Variants in RNF141 observed in about 807,000 individuals in gnomAD.
The protein encoded by RNF141 is ring finger protein 141, also known as C3HC4-like zinc finger protein.
Under a neutral mutation model 27.4 loss-of-function variants are expected in RNF141, and 18 were observed. The observed-to-expected ratio is 0.66, with a 90% CI of 0.45 to 0.97. RNF141 has a LOEUF of 0.97. RNF141 is among the 50% of genes least tolerant of loss of function. The pLI is 0.00. For missense variants in RNF141, 230 were observed against 279.4 expected (o/e 0.82, Z 1.26); for synonymous variants, 97 against 96.6 (o/e 1.00, Z -0.02).
intron 5 of RNF141, chr11:10,516,415 C>G (rs1290485889): frequency 1.3e-5 from 2 of 152,164 alleles, no homozygotes; most frequent in Non-Finnish European, 2.9e-5. Flanking sequence ...CTTACAGCCT[C>G]GAGAGTTTCT....
chr11:10,520,121 C>T (rs1414634631), intron 4 of RNF141, among the ~76,000 whole-genome samples: 1 of 152,130 alleles, frequency 6.6e-6, no homozygotes, highest in East Asian at 1.9e-4. Flanking sequence ...AGCACTTGTA[C>T]AGTAGTGTAC....
At chr11:10,538,817 T>A (rs1464018353) in intron 1 of RNF141, among the ~76,000 whole-genome samples, 1 of 152,184 alleles carries the variant, frequency 6.6e-6, no homozygotes, top group Non-Finnish European at 1.5e-5. Context: ...ATTAAATTAA[T>A]GCTTATGTAA....
At chr11:10,523,907 G>C (rs929631366) in intron 4 of RNF141, among the ~76,000 whole-genome samples, 1 of 152,160 alleles carries the variant, frequency 6.6e-6, no homozygotes, top group African/African-American at 2.4e-5. Context: ...CAGAATACAG[G>C]AAAGACAAGC....
intron 1 of RNF141, among the ~76,000 whole-genome samples, chr11:10,538,659 T>A (rs915785925): frequency 6.6e-6 from 1 of 152,240 alleles, no homozygotes; most frequent in African/African-American, 2.4e-5. Flanking sequence ...ATGCAGTAAA[T>A]ACCATTGGCA....
chr11:10,523,322 C>G (rs1371219313), intron 4 of RNF141, among the ~76,000 whole-genome samples: 2 of 152,196 alleles, frequency 1.3e-5, no homozygotes, highest in African/African-American at 2.4e-5. Flanking sequence ...GCCAGACAGG[C>G]CTGAATGTGA....
chr11:10,525,060 C>A (rs938544839), intron 4 of RNF141, 132 bp downstream of exon 4: 2 of 614,580 alleles, frequency 3.3e-6, no homozygotes, highest in Non-Finnish European at 5.1e-6. Context: ...CAAAACTGAT[C>A]TCAGATACAA....
chr11:10,538,063 AGAGT>A (rs1227076111), intron 1 of RNF141, among the ~76,000 whole-genome samples: 1 of 152,254 alleles, frequency 6.6e-6, no homozygotes, highest in East Asian at 1.9e-4. Context: ...TTTCAAAAGA[AGAGT>A]TAGTTGCTTA....
intron 4 of RNF141, among the ~76,000 whole-genome samples, chr11:10,521,723 A>C (rs758189193): frequency 1.3e-5 from 2 of 152,378 alleles, no homozygotes; most frequent in Admixed American, 1.3e-4. Flanking sequence ...ATAGGATTTT[A>C]ATAGAAGACA....
intron 5 of RNF141, 45 bp from the exon 6 acceptor site, chr11:10,515,111 A>T (rs2133963988): frequency 1.9e-6 from 3 of 1,565,526 alleles, no homozygotes; most frequent in East Asian, 2.3e-5. Context: ...CTTCTTTTTT[A>T]AAAACAGGAT....
At chr11:10,526,397 C>T (rs1849935884) in intron 3 of RNF141, among the ~76,000 whole-genome samples, 1 of 152,034 alleles carries the variant, frequency 6.6e-6, no homozygotes, top group African/African-American at 2.4e-5. Flanking sequence ...TATTATTATA[C>T]ATTTGAATAT....
intron 1 of RNF141, among the ~76,000 whole-genome samples, chr11:10,539,329 A>G (rs914432746): frequency 6.6e-6 from 1 of 152,138 alleles, no homozygotes; most frequent in African/African-American, 2.4e-5. Flanking sequence ...ATGCACCAAA[A>G]TGACTAAATG....
At chr11:10,523,950 T>A (rs534656838) in intron 4 of RNF141, among the ~76,000 whole-genome samples, 24 of 152,360 alleles carry the variant, frequency 1.6e-4, no homozygotes, top group Non-Finnish European at 2.8e-4. Context: ...TAAAAGTCAC[T>A]TGGCCTATCA....
At chr11:10,525,997 A>C (rs747477029) in intron 3 of RNF141, among the ~76,000 whole-genome samples, 1 of 152,110 alleles carries the variant, frequency 6.6e-6, no homozygotes, top group Non-Finnish European at 1.5e-5. Context: ...TTTACAATCT[A>C]ATGTAGAAGA....
chr11:10,534,245 A>G lies in RNF141; in HGVS notation c.-47-40T>C, dbSNP rs1306030201. The G allele has an allele frequency of 8.5e-6, 12 of 1,411,062 alleles. No individual in the cohort carries two copies. In the Admixed American group the frequency reaches 2.1e-4, roughly 25 times the overall value. 87.4% of individuals were successfully genotyped at this position (1,411,062 alleles called of 1,614,324 possible). On this transcript the variant is annotated intron_variant, in intron 1 of 5. Transcript: ENST00000265981. ...GAAAAGTTACTTTTACATATTATACAAAAACGGCAATATACTCATTCTTCA... is the reference window on the plus strand; with the variant it reads ...GAAAAGTTACTTTTACATATTATACGAAAACGGCAATATACTCATTCTTCA...
At chr11:10,530,035 C>G (rs2133972791) in intron 3 of RNF141, among the ~76,000 whole-genome samples, 1 of 152,158 alleles carries the variant, frequency 6.6e-6, no homozygotes, top group Non-Finnish European at 1.5e-5. Flanking sequence ...TGATTTTGTT[C>G]TTTGTTTTAG....
At chr11:10,524,071 T>C (rs978479681) in intron 4 of RNF141, among the ~76,000 whole-genome samples, 1 of 152,174 alleles carries the variant, frequency 6.6e-6, no homozygotes, top group Non-Finnish European at 1.5e-5. Flanking sequence ...TGAAAACCAG[T>C]TGGTTAAGAA....
intron 4 of RNF141, among the ~76,000 whole-genome samples, chr11:10,522,900 C>CA (rs1168333825): frequency 1.4e-4 from 22 of 152,068 alleles, no homozygotes; most frequent in Non-Finnish European, 2.2e-4. Flanking sequence ...TTTGATTTGT[C>CA]AAAAAAATCA....
At chr11:10,515,927 G>C (rs529254399) in intron 5 of RNF141, 1 of 152,126 alleles carries the variant, frequency 6.6e-6, no homozygotes, top group East Asian at 1.9e-4. Flanking sequence ...TTATGTTTTC[G>C]AAAAGGATTT....
At chr11:10,528,881 A>G (rs1172171373) in intron 3 of RNF141, among the ~76,000 whole-genome samples, 1 of 152,184 alleles carries the variant, frequency 6.6e-6, no homozygotes, top group Non-Finnish European at 1.5e-5. Context: ...AAGGGGAGCT[A>G]AGAACCTAAA....
Sources: allele counts gnomAD v4.1 joint callset (sites outside exome capture counted in the v4.1 genomes callset), GRCh38; gene constraint gnomAD v4.1.1; transcripts MANE v1.5; gene names NCBI Gene and HGNC (gene_info 2026-07-23, HGNC 2026-07-21).